RLN3: variants seen among roughly 807,000 people sequenced by gnomAD.
The protein encoded by RLN3 is relaxin-3.
RLN3 carries 13 observed loss-of-function variants against 10.2 expected under a neutral mutation model. That is an observed-to-expected ratio of 1.28 (90% confidence interval 0.83 to 2.03). The LOEUF is 2.03. RLN3 is among the 30% of genes most tolerant of loss of function. The probability of loss-of-function intolerance (pLI) is 0.00; values close to 1 mark genes in which losing one functional copy is unlikely to be tolerated. For synonymous variants in RLN3, 56 were observed against 79.2 expected, an observed-to-expected ratio of 0.71 and a Z score of 1.56; for missense variants, 191 against 187.2, an observed-to-expected ratio of 1.02 and a Z score of -0.12.
chr19:14,030,485 C>G (rs1599543125), intron 1 of RLN3: 1 of 653,230 alleles, frequency 1.5e-6, no homozygotes, highest in Admixed American at 2.4e-5. Context: ...CATGGTGAAC[C>G]CCATCTCTAT....
Position 14,028,253 on chromosome 19 carries a change from G to C in RLN3, c.49G>C (p.Gly17Arg), listed in dbSNP as rs775291830. Residue 17 changes from glycine to arginine, a missense_variant, in exon 1 of 2, where the codon GGG (glycine) becomes CGG (arginine). Physicochemically the swap from Gly to Arg is moderately radical, Grantham distance 125. Transcript: ENST00000431365. ...GCTCCTGGCGGTATGGGTGCTGACC[G>C]GGGAGCTGTGGCCGGGAGCTGAGGC... ...LLLLAVWVLT[G>R]ELWPGAEARA... 2 of 1,612,462 alleles carry C rather than the reference G, an allele frequency of 1.2e-6. No individual in the cohort carries two copies. Among genetic ancestry groups the C allele is most frequent in the African/African-American group, 1.3e-5 (1 of 74,892 alleles).
rs1164913712 is a variant in RLN3, at chr19:14,028,265, C to A, written c.61C>A (p.Pro21Thr). 1 of 1,613,084 alleles carries A rather than the reference C, an allele frequency of 6.2e-7. No individual in the cohort carries two copies. Among genetic ancestry groups the A allele is most frequent in the Admixed American group, 1.7e-5 (1 of 59,796 alleles). ...ATGGGTGCTGACCGGGGAGCTGTGG[C>A]CGGGAGCTGAGGCCCGGGCAGCGCC... ...AVWVLTGELWPGAEARAAPYG... is the reference protein window; with the variant it reads ...AVWVLTGELWTGAEARAAPYG... The change falls in exon 1 of 2, where the codon CCG becomes ACG. Residue 21 changes from proline (P) to threonine (T), a missense_variant. Physicochemically the swap from Pro to Thr is conservative, Grantham distance 38. Coordinates refer to ENST00000431365, the MANE Select transcript of RLN3 (RefSeq NM_080864.4).
In RLN3 at chr19:14,028,192, A is replaced by G. The variant is rs1982632; in HGVS notation, c.-13A>G. The G allele has an allele frequency of 0.8, 1,241,717 of 1,554,026 alleles. 498,149 individuals carry two copies. Among genetic ancestry groups the G allele is most frequent in the African/African-American group, 0.96 (70,349 of 73,106 alleles). The stretch of plus-strand genomic sequence containing the variant: ...ACTGGCCCACTCTCACGTTCAAAGC[A>G]TCTCCGTCCAGCATGGCCAGGTACA... On this transcript the variant is annotated 5_prime_UTR_variant, in exon 1 of 2. Transcript: ENST00000431365.
chr19:14,028,622 A>G (rs1255690410), intron 1 of RLN3, among the ~76,000 whole-genome samples: 4 of 148,796 alleles, frequency 2.7e-5, no homozygotes, highest in Admixed American at 6.7e-5. Context: ...GTCTGAGGAC[A>G]GGTGGGGGCG....
Position 14,028,364 on chromosome 19 carries a change from C to T in RLN3, c.160C>T (p.Arg54Ter), listed in dbSNP as rs758973862. Residue 54 changes from arginine to a stop codon, truncating the protein, a stop_gained, in exon 1 of 2, where the codon CGA becomes TGA. Coordinates refer to ENST00000431365, the MANE Select transcript of RLN3 (RefSeq NM_080864.4). LOFTEE classifies it low-confidence loss of function (END_TRUNC). ...CACCTGCGGGGGCTCCCGGTGGAGACGATCAGACATCCTGGCCCACGAGGC... is the reference window on the plus strand; with the variant it reads ...CACCTGCGGGGGCTCCCGGTGGAGATGATCAGACATCCTGGCCCACGAGGC... Reference protein sequence around the residue: ...IFTCGGSRWRRSDILAHEAMG... With the variant: ...IFTCGGSRWR 1.7e-5 allele frequency: 28 copies of T among 1,612,578 alleles called. No homozygotes were observed. Among genetic ancestry groups the T allele is most frequent in the Middle Eastern group, 3.3e-4 (2 of 6,080 alleles).
At chr19:14,030,138 A>C (rs924846482) in intron 1 of RLN3, 5 of 604,814 alleles carry the variant, frequency 8.3e-6, no homozygotes, top group Non-Finnish European at 1.5e-5. Context: ...GTCATTTTTG[A>C]GTGCTCATCA....
intron 1 of RLN3, among the ~76,000 whole-genome samples, chr19:14,029,842 T>TATTATTATTATTATTA (rs1599542833): frequency 6.7e-6 from 1 of 149,716 alleles, no homozygotes; most frequent in Non-Finnish European, 1.5e-5. Flanking sequence ...TTATTATTAT[T>TATTATTATTATTATTA]TTTGAGACAG....
intron 1 of RLN3, 87 bp downstream of exon 1, chr19:14,028,481 C>A: frequency 8.0e-7 from 1 of 1,255,558 alleles, no homozygotes; most frequent in Non-Finnish European, 1.1e-6. Flanking sequence ...GAGGAGGTTG[C>A]TGGAGGAGGA....
In RLN3 at chr19:14,028,185, T is replaced by C; in HGVS notation, c.-20T>C. On this transcript the variant is annotated 5_prime_UTR_variant, in exon 1 of 2. Transcript: ENST00000431365. ...CAGAGACACTGGCCCACTCTCACGTTCAAAGCATCTCCGTCCAGCATGGCC... is the reference window on the plus strand; with the variant it reads ...CAGAGACACTGGCCCACTCTCACGTCCAAAGCATCTCCGTCCAGCATGGCC... 6 of 1,546,218 alleles carry C rather than the reference T, an allele frequency of 3.9e-6. No individual in the cohort carries two copies. Among genetic ancestry groups the C allele is most frequent in the Non-Finnish European group, 5.2e-6 (6 of 1,145,250 alleles).
chr19:14,030,645 G>A (rs1975786541), intron 1 of RLN3, 65 bp from the exon 2 acceptor site: 2 of 1,340,034 alleles, frequency 1.5e-6, no homozygotes, highest in South Asian at 2.3e-5. Context: ...AGACTGGCCA[G>A]GAGCCATGAC....
intron 1 of RLN3, 137 bp downstream of exon 1, chr19:14,028,531 C>T: frequency 1.4e-6 from 1 of 725,602 alleles, no homozygotes; most frequent in Non-Finnish European, 2.2e-6. Flanking sequence ...GACACCTGCC[C>T]AGCCTTGAAA....
At chr19:14,030,217 G>A (rs1370684741) in intron 1 of RLN3, 3 of 699,222 alleles carry the variant, frequency 4.3e-6, no homozygotes, top group Admixed American at 2.0e-5. Flanking sequence ...TGAGAAGGTT[G>A]GAGTAATTAT....
chr19:14,028,169 T>G lies in RLN3; in HGVS notation c.-36T>G. 6.7e-7 allele frequency: 1 copy of G among 1,494,972 alleles called. No homozygotes were observed. Among genetic ancestry groups the G allele is most frequent in the Non-Finnish European group, 9.0e-7 (1 of 1,108,856 alleles). 92.6% of individuals were successfully genotyped at this position (1,494,972 alleles called of 1,614,324 possible). ...GGGGGCCAAGAGGCAGCAGAGACAC[T>G]GGCCCACTCTCACGTTCAAAGCATC... On this transcript the variant is annotated 5_prime_UTR_variant, in exon 1 of 2. Coordinates refer to ENST00000431365, the MANE Select transcript of RLN3 (RefSeq NM_080864.4).
intron 1 of RLN3, chr19:14,030,409 C>T (rs1317080717): frequency 1.1e-5 from 8 of 699,110 alleles, no homozygotes; most frequent in Non-Finnish European, 2.1e-5. Context: ...CCTGTAATCC[C>T]AGCACTTTGG....
In RLN3 at chr19:14,030,255, T is replaced by G. The variant is rs137953008; in HGVS notation, c.191-455T>G. 3 of 702,920 alleles carry G rather than the reference T, an allele frequency of 4.3e-6. No individual in the cohort carries two copies. In the South Asian group the frequency reaches 4.4e-5, roughly 10 times the overall value. 43.5% of individuals were successfully genotyped at this position (702,920 alleles called of 1,614,324 possible). On this transcript the variant is annotated intron_variant, in intron 1 of 1. Transcript: ENST00000431365. ...TTTTCCACTTTGCAGAAAAGAACAT[T>G]GAGGCTCCAAGAAGTAAATTTACTT...
Position 14,029,700 on chromosome 19 carries a change from C to T in RLN3, c.191-1010C>T, listed in dbSNP as rs573086025. On this transcript the variant is annotated intron_variant, in intron 1 of 1. Transcript: ENST00000431365. ...CCTCAGTGGTCTCCTCTGGAAAATACGGGTGATAACTGCACCCACCTCAAC... is the reference window on the plus strand; with the variant it reads ...CCTCAGTGGTCTCCTCTGGAAAATATGGGTGATAACTGCACCCACCTCAAC... 4.2e-4 allele frequency among the ~76,000 whole-genome samples: 63 copies of T among 151,794 alleles called. 1 individual carries two copies. Among genetic ancestry groups the T allele is most frequent in the African/African-American group, 1.3e-3 (52 of 41,350 alleles).
At chr19:14,028,843 C>G (rs1375645805) in intron 1 of RLN3, among the ~76,000 whole-genome samples, 2 of 152,014 alleles carry the variant, frequency 1.3e-5, no homozygotes, top group African/African-American at 2.4e-5. Context: ...GGCCCAATCA[C>G]TGCTCATTGC....
rs1251621766 is a variant in RLN3, at chr19:14,031,135, A to G, written c.*187A>G. The G allele has an allele frequency of 5.1e-6, 3 of 584,078 alleles. No individual in the cohort carries two copies. The highest frequency in any genetic ancestry group is 6.1e-6 in the Non-Finnish European group (2 of 330,200). 36.2% of individuals were successfully genotyped at this position (584,078 alleles called of 1,614,324 possible). A position where few individuals can be genotyped will look rare whatever the true frequency, so the allele number is the denominator to read the frequency against. On this transcript the variant is annotated 3_prime_UTR_variant, in exon 2 of 2. Transcript: ENST00000431365. ...ACCTATCCAACCCTGCCCTTTGACC[A>G]GCCTATCATGACCCTGGCCCCTAAG...
Position 14,028,507 on chromosome 19 carries a change from C to G in RLN3, c.190+113C>G, listed in dbSNP as rs909315059. The G allele has an allele frequency of 1.9e-5, 17 of 909,460 alleles. No individual in the cohort carries two copies. The African/African-American group carries it at 2.7e-4, about 15-fold the overall frequency. The allele number at this position is 909,460 out of a possible 1,614,324, so 56.3% of individuals were successfully genotyped here. ...TGGAGGAGGAGGGTCCCTGTCCTGC[C>G]ACATTCAGCCAGGGACACCTGCCCA... is the stretch of plus-strand genomic sequence containing the variant. On this transcript the variant is annotated intron_variant, in intron 1 of 1. Coordinates refer to ENST00000431365, the MANE Select transcript of RLN3 (RefSeq NM_080864.4).
Sources: allele counts gnomAD v4.1 joint callset (sites outside exome capture counted in the v4.1 genomes callset), GRCh38; gene constraint gnomAD v4.1.1; transcripts MANE v1.5; gene names NCBI Gene and HGNC (gene_info 2026-07-23, HGNC 2026-07-21).